LAMA2: variants seen among roughly 807,000 people sequenced by gnomAD.
LAMA2 encodes the protein laminin subunit alpha-2.
In LAMA2, 269 loss-of-function variants were observed where a neutral mutation model predicts 364.8. That is an observed-to-expected ratio of 0.74 (90% confidence interval 0.67 to 0.82). The LOEUF is 0.82. Among genes scored for constraint, LAMA2 ranks in the 40% least tolerant of loss-of-function variants. LAMA2 has a pLI of 0.00. For synonymous variants in LAMA2, 1,379 were observed against 1,370.6 expected, an observed-to-expected ratio of 1.01 and a Z score of -0.14; for missense variants, 3,807 against 3,873.2, an observed-to-expected ratio of 0.98 and a Z score of 0.45.
chr6:129,434,951 A>C, intron 41 of LAMA2, among the ~76,000 whole-genome samples: 1 of 151,086 alleles, frequency 6.6e-6, no homozygotes, highest in South Asian at 2.1e-4. Context: ...CTGAAACATT[A>C]AAAAAAAATC....
At chr6:129,476,320 C>T (rs887016335) in intron 53 of LAMA2, among the ~76,000 whole-genome samples, 1 of 152,148 alleles carries the variant, frequency 6.6e-6, no homozygotes, top group African/African-American at 2.4e-5. Flanking sequence ...AAAAATAAAC[C>T]ATGCGTTTTA....
At chr6:129,023,084 G>C (rs552926473) in intron 1 of LAMA2, among the ~76,000 whole-genome samples, 10 of 152,092 alleles carry the variant, frequency 6.6e-5, no homozygotes, top group African/African-American at 2.4e-4. Flanking sequence ...TACCCTCCCT[G>C]CATCCATGTT....
intron 45 of LAMA2, among the ~76,000 whole-genome samples, chr6:129,449,810 T>C (rs1224948556): frequency 6.8e-6 from 1 of 147,828 alleles, no homozygotes; most frequent in Non-Finnish European, 1.5e-5. Context: ...TTTTTTTTTT[T>C]TTTTTTTTTT....
chr6:129,462,629 G>A (rs1783315435), intron 49 of LAMA2, among the ~76,000 whole-genome samples: 1 of 151,844 alleles, frequency 6.6e-6, no homozygotes, highest in South Asian at 2.1e-4. Context: ...GATTGTTATT[G>A]TTTTGTGAGT....
intron 15 of LAMA2, among the ~76,000 whole-genome samples, chr6:129,261,506 G>A (rs1469475598): frequency 6.6e-6 from 1 of 152,088 alleles, no homozygotes; most frequent in Non-Finnish European, 1.5e-5. Flanking sequence ...AAACTGGTGT[G>A]AAACTGGTTT....
At chr6:129,164,107 T>G (rs540665624) in intron 8 of LAMA2, among the ~76,000 whole-genome samples, 2 of 152,188 alleles carry the variant, frequency 1.3e-5, no homozygotes, top group Admixed American at 6.5e-5. Context: ...ACAGAGGATA[T>G]GTTCCAGGAA....
intron 29 of LAMA2, among the ~76,000 whole-genome samples, chr6:129,342,008 AAAT>A (rs1451072801): frequency 1.3e-5 from 2 of 152,250 alleles, no homozygotes; most frequent in Non-Finnish European, 2.9e-5. Flanking sequence ...TGCCTAGAAG[AAAT>A]AATAAATTTT....
chr6:129,365,569 G>C (rs1777719612), intron 32 of LAMA2, among the ~76,000 whole-genome samples: 1 of 151,888 alleles, frequency 6.6e-6, no homozygotes, highest in Non-Finnish European at 1.5e-5. Context: ...CACCATGTTG[G>C]TCAGGCTGGT....
At chr6:129,300,234 GATT>G (rs1348663422) in intron 21 of LAMA2, among the ~76,000 whole-genome samples, 2 of 152,086 alleles carry the variant, frequency 1.3e-5, no homozygotes, top group African/African-American at 4.8e-5. Flanking sequence ...TGCAAAATTG[GATT>G]ATTCTGTTGT....
intron 12 of LAMA2, among the ~76,000 whole-genome samples, chr6:129,207,463 T>C (rs1188475603): frequency 1.3e-5 from 2 of 152,196 alleles, no homozygotes; most frequent in Admixed American, 1.3e-4. Flanking sequence ...AATTTCATCC[T>C]ATTACATTTC....
chr6:129,072,489 GTTTA>G (rs892653397), intron 3 of LAMA2, among the ~76,000 whole-genome samples: 4 of 151,754 alleles, frequency 2.6e-5, no homozygotes, highest in African/African-American at 4.8e-5. Context: ...AATTTGAATT[GTTTA>G]TTTAACTAAT....
rs1272980579 is a variant in LAMA2 at position 129,403,958 on chromosome 6, T to C, written c.5864T>C (p.Leu1955Pro). Residue 1955 changes from leucine to proline, a missense_variant and splice_region_variant, in exon 40 of 65, where the codon CTG (leucine) becomes CCG (proline). Transcript: ENST00000421865. ...GATCTTGCACATGAAGCTACAAAAC[T>C]GGTAAGAAACAAATGGCACATGTGC... ...AKDLAHEATKLATGPRGLLKE... is the reference protein window; with the variant it reads ...AKDLAHEATKPATGPRGLLKE... 1.2e-6 allele frequency: 2 copies of C among 1,613,834 alleles called. No homozygotes were observed. Among genetic ancestry groups the C allele is most frequent in the South Asian group, 2.2e-5 (2 of 91,082 alleles).
chr6:129,175,679 C>T (rs1239091212), intron 9 of LAMA2, among the ~76,000 whole-genome samples: 3 of 152,028 alleles, frequency 2.0e-5, no homozygotes, highest in Non-Finnish European at 4.4e-5. Flanking sequence ...CATCACATGC[C>T]AGGGCCTGTC....
chr6:129,391,745 A>G (rs1193559161), intron 36 of LAMA2, 92 bp downstream of exon 36: 1 of 1,106,298 alleles, frequency 9.0e-7, no homozygotes, highest in Non-Finnish European at 1.4e-6. Context: ...GTATAAGTAA[A>G]AGATGCTTTG....
chr6:129,487,552 G>A (rs1784654448), intron 56 of LAMA2, among the ~76,000 whole-genome samples: 1 of 152,136 alleles, frequency 6.6e-6, no homozygotes, highest in African/African-American at 2.4e-5. Flanking sequence ...AATGCAACGA[G>A]TATGAATATG....
At chr6:129,429,874 A>T (rs1781503524) in intron 41 of LAMA2, among the ~76,000 whole-genome samples, 1 of 152,348 alleles carries the variant, frequency 6.6e-6, no homozygotes, top group South Asian at 2.1e-4. Flanking sequence ...TGAAGAAAGA[A>T]TTTTATTTTC....
chr6:128,911,362 G>A (rs949463965), intron 1 of LAMA2, among the ~76,000 whole-genome samples: 4 of 152,122 alleles, frequency 2.6e-5, no homozygotes, highest in Admixed American at 6.5e-5. Context: ...TAAGCCCGTC[G>A]GAAAGGCGCA....
At chr6:129,408,342 A>G (rs955318321) in intron 40 of LAMA2, among the ~76,000 whole-genome samples, 3 of 152,152 alleles carry the variant, frequency 2.0e-5, no homozygotes, top group East Asian at 1.9e-4. Context: ...CCACAATTCT[A>G]TCAATCCACC....
chr6:129,382,563 C>T (rs563422327), intron 34 of LAMA2, among the ~76,000 whole-genome samples: 1 of 152,278 alleles, frequency 6.6e-6, no homozygotes, highest in South Asian at 2.1e-4. Flanking sequence ...CATTTATTCT[C>T]CCTTAACATT....
Sources: allele counts gnomAD v4.1 joint callset (sites outside exome capture counted in the v4.1 genomes callset), GRCh38; gene constraint gnomAD v4.1.1; transcripts MANE v1.5; gene names NCBI Gene and HGNC (gene_info 2026-07-23, HGNC 2026-07-21).